SWI5: variants seen among roughly 807,000 people sequenced by gnomAD.
The protein encoded by SWI5 is DNA repair protein SWI5 homolog.
A neutral mutation model predicts 17.0 loss-of-function variants in SWI5; 12 were observed. That is an observed-to-expected ratio of 0.71 (90% confidence interval 0.45 to 1.14). The LOEUF (loss-of-function observed/expected upper bound fraction) is 1.14, where lower values mean the gene tolerates loss of function less well. SWI5 is among the 50% of genes most tolerant of loss of function. The probability of loss-of-function intolerance (pLI) is 0.00; values close to 1 mark genes in which losing one functional copy is unlikely to be tolerated. For synonymous variants in SWI5, 61 were observed against 64.0 expected, an observed-to-expected ratio of 0.95 and a Z score of 0.22; for missense variants, 158 against 162.2, an observed-to-expected ratio of 0.97 and a Z score of 0.14.
At chr9:128,283,518 C>T (rs571992241) in intron 2 of SWI5, among the ~76,000 whole-genome samples, 10 of 151,604 alleles carry the variant, frequency 6.6e-5, no homozygotes, top group African/African-American at 2.2e-4. Context: ...ACAACAACAA[C>T]AACCAGTGAC....
intron 2 of SWI5, among the ~76,000 whole-genome samples, chr9:128,283,005 C>T (rs1260951407): frequency 1.3e-5 from 2 of 152,020 alleles, no homozygotes; most frequent in Admixed American, 1.3e-4. Flanking sequence ...TGGCAAAAAC[C>T]CTGTCTCTAC....
upstream of SWI5, chr9:128,276,193 C>T (rs1344290643): frequency 6.3e-7 from 1 of 1,594,950 alleles, no homozygotes; most frequent in Non-Finnish European, 8.5e-7. Flanking sequence ...ACAAAAGCTG[C>T]GCACGCAACC....
intron 4 of SWI5, among the ~76,000 whole-genome samples, chr9:128,287,867 T>C (rs1380137839): frequency 6.6e-6 from 1 of 151,956 alleles, no homozygotes; most frequent in African/African-American, 2.4e-5. Flanking sequence ...GGCATCCTTT[T>C]TGTTTATTCA....
chr9:128,277,812 G>T (rs542647743), intron 2 of SWI5, among the ~76,000 whole-genome samples: 104 of 152,324 alleles, frequency 6.8e-4, no homozygotes, highest in Admixed American at 6.0e-3. Flanking sequence ...CGATGACGGG[G>T]TGGCAGCCAT....
chr9:128,276,470 C>T (rs1831381390), intron 1 of SWI5, 68 bp downstream of exon 1: 4 of 1,585,964 alleles, frequency 2.5e-6, no homozygotes, highest in South Asian at 1.1e-5. Flanking sequence ...ACTCTCCCTT[C>T]CCAGAAATCA....
chr9:128,282,152 G>A (rs1831550267), intron 2 of SWI5, among the ~76,000 whole-genome samples: 1 of 152,228 alleles, frequency 6.6e-6, no homozygotes, highest in Non-Finnish European at 1.5e-5. Context: ...ACTTTGGGAG[G>A]CTGAGGTGGG....
At chr9:128,287,751 A>G (rs1330603831) in intron 4 of SWI5, among the ~76,000 whole-genome samples, 3 of 151,832 alleles carry the variant, frequency 2.0e-5, no homozygotes, top group African/African-American at 7.3e-5. Flanking sequence ...TAGTAGAGAC[A>G]GGGTTTCACC....
chr9:128,285,725 G>C lies in SWI5; in HGVS notation c.234-214G>C, dbSNP rs549061433. Among the ~76,000 whole-genome samples, 1 of 152,184 alleles carries C rather than the reference G, an allele frequency of 6.6e-6. No individual in the cohort carries two copies. Among genetic ancestry groups the C allele is most frequent in the Non-Finnish European group, 1.5e-5 (1 of 68,028 alleles). ...CTGTGGCTGGCAACCCCACCCTAAG[G>C]AGACAGGGCACATTTGCCAGGAGTG... On this transcript the variant is annotated intron_variant, in intron 3 of 4. Transcript: ENST00000418976. This position sits in a 1 kb window ranked among gnomAD's most constrained non-coding sequence, Gnocchi z 4.8.
Position 128,288,605 on chromosome 9 carries a change from T to A in SWI5, c.329-47T>A, listed in dbSNP as rs1458222859. On this transcript the variant is annotated intron_variant, in intron 4 of 4. Transcript: ENST00000418976. The stretch of plus-strand genomic sequence containing the variant: ...GGCTCGGGGCATTGGCTGTACTCCC[T>A]CCCACCTCTCCCCACTGCACATTCA... 6 of 1,606,940 alleles carry A rather than the reference T, an allele frequency of 3.7e-6. No individual in the cohort carries two copies. In the African/African-American group the frequency reaches 8.0e-5, roughly 21 times the overall value.
chr9:128,284,288 C>CAAA (rs78361264), intron 2 of SWI5, among the ~76,000 whole-genome samples: 4 of 79,304 alleles, frequency 5.0e-5, no homozygotes, highest in Admixed American at 1.5e-4. Context: ...GACTCCGTCT[C>CAAA]AAAAAAAAAA....
chr9:128,282,220 C>G (rs1252629955), intron 2 of SWI5, among the ~76,000 whole-genome samples: 5 of 152,170 alleles, frequency 3.3e-5, no homozygotes, highest in East Asian at 1.9e-4. Flanking sequence ...AACCTTGTCT[C>G]TACTAAAAAT....
chr9:128,286,135 C>A, intron 4 of SWI5, 102 bp downstream of exon 4: 1 of 825,268 alleles, frequency 1.2e-6, no homozygotes, highest in Non-Finnish European at 2.0e-6. Context: ...TGCCAACCGT[C>A]ACACCCTCAG....
chr9:128,276,106 AT>A (rs764552926), upstream of SWI5: 1 of 1,571,190 alleles, frequency 6.4e-7, no homozygotes, highest in Non-Finnish European at 8.6e-7. Context: ...ATCAAAGCCC[AT>A]TGGTCAATGA....
chr9:128,283,316 CTG>C (rs1831574854), intron 2 of SWI5, among the ~76,000 whole-genome samples: 3 of 152,038 alleles, frequency 2.0e-5, no homozygotes. Context: ...GAGTGAAACT[CTG>C]TTTTAAAAAA....
At chr9:128,281,028 CTTTTTTTTT>C (rs11306272) in intron 2 of SWI5, among the ~76,000 whole-genome samples, 3 of 43,760 alleles carry the variant, frequency 6.9e-5, no homozygotes, top group Non-Finnish European at 1.3e-4. Context: ...TTCAACCATG[CTTTTTTTTT>C]TTTTTTTTTT....
rs897507142 is a variant in SWI5, at chr9:128,285,362, A to G, written c.234-577A>G. On this transcript the variant is annotated intron_variant, in intron 3 of 4. Transcript: ENST00000418976. The surrounding 1 kb of genome is among the most constrained non-coding windows in gnomAD (Gnocchi z 4.8). ...ATTCAGGACATAGCAGCAGCCTCTC[A>G]GGTAGGGAGATGCTCAGGCTGTGGG... Among the ~76,000 whole-genome samples, 6 of 152,202 alleles carry G rather than the reference A, an allele frequency of 3.9e-5. No homozygotes were observed. The highest frequency in any genetic ancestry group is 1.4e-4 in the African/African-American group (6 of 41,448).
intron 2 of SWI5, chr9:128,278,502 G>C (rs1049916317): frequency 1.3e-5 from 5 of 377,580 alleles, no homozygotes; most frequent in Non-Finnish European, 2.6e-5. Flanking sequence ...AGGGGGTGGA[G>C]GTTGCAGTGA....
At chr9:128,275,534 AC>A (rs1010198163), upstream of SWI5, 16 of 1,270,174 alleles carry the variant, frequency 1.3e-5, no homozygotes, top group African/African-American at 2.4e-4. Flanking sequence ...CCCGGGAGTC[AC>A]GGGCCCAAAG....
At chr9:128,280,510 TAA>T (rs776076324) in intron 2 of SWI5, among the ~76,000 whole-genome samples, 15 of 133,452 alleles carry the variant, frequency 1.1e-4, no homozygotes, top group African/African-American at 2.4e-4. Flanking sequence ...CTGTTCTTTT[TAA>T]AAAAAAAAAA....
Sources: gnomAD v4.1 joint callset for allele counts (sites outside exome capture counted in the v4.1 genomes callset) on GRCh38, gnomAD v4.1.1 for gene constraint, Gnocchi (gnomAD v3.1) non-coding constraint, MANE v1.5 for transcripts, NCBI Gene and HGNC (gene_info 2026-07-23, HGNC 2026-07-21) for gene names.